Variants in ZRANB3 observed in about 807,000 individuals in gnomAD.
The protein encoded by ZRANB3 is DNA annealing helicase and endonuclease ZRANB3.
A neutral mutation model predicts 133.8 loss-of-function variants in ZRANB3; 125 were observed. That is an observed-to-expected ratio of 0.93 (90% confidence interval 0.81 to 1.08). ZRANB3 has a LOEUF of 1.08. Ranked by LOEUF, ZRANB3 falls within the 50% of genes least tolerant of loss-of-function variation. The pLI, the probability that ZRANB3 is intolerant of heterozygous loss-of-function variation, is 0.00. For synonymous variants in ZRANB3, 387 were observed against 432.7 expected, an observed-to-expected ratio of 0.89 and a Z score of 1.31; for missense variants, 1,229 against 1,275.5, an observed-to-expected ratio of 0.96 and a Z score of 0.56.
intron 2 of ZRANB3, among the ~76,000 whole-genome samples, chr2:135,440,165 C>T (rs1300666188): frequency 6.6e-6 from 1 of 152,140 alleles, no homozygotes; most frequent in Non-Finnish European, 1.5e-5. Context: ...TACTTTTAAT[C>T]TACATAATGT....
At chr2:135,311,626 T>TA (rs1471817704) in intron 8 of ZRANB3, among the ~76,000 whole-genome samples, 7 of 151,544 alleles carry the variant, frequency 4.6e-5, no homozygotes, top group African/African-American at 1.5e-4. Flanking sequence ...AGCTCACACC[T>TA]ATAACCCCAG....
chr2:135,511,160 G>GGGTTGAA, intron 1 of ZRANB3: 1 of 778,298 alleles, frequency 1.3e-6, no homozygotes, highest in East Asian at 2.4e-5. Context: ...CAGCTCCACT[G>GGGTTGAA]GGTTGAAGGT....
intron 2 of ZRANB3, among the ~76,000 whole-genome samples, chr2:135,443,042 G>T (rs1286386732): frequency 6.6e-6 from 1 of 151,732 alleles, no homozygotes; most frequent in Admixed American, 6.6e-5. Context: ...CGTGAATCTG[G>T]GAAGTTGAGC....
intron 3 of ZRANB3, among the ~76,000 whole-genome samples, chr2:135,381,185 G>A (rs368425103): frequency 1.3e-5 from 2 of 152,144 alleles, no homozygotes; most frequent in African/African-American, 2.4e-5. Flanking sequence ...CATAGCAAAC[G>A]GCACACCAGG....
chr2:135,488,483 A>C (rs1692222124), intron 2 of ZRANB3, among the ~76,000 whole-genome samples: 1 of 152,012 alleles, frequency 6.6e-6, no homozygotes, highest in Non-Finnish European at 1.5e-5. Flanking sequence ...CTATATAATC[A>C]AATATAGCAT....
rs138322620 is a variant in ZRANB3, at chr2:135,412,756, G to A, written c.162-21936C>T. Among the ~76,000 whole-genome samples the A allele has an allele frequency of 3.2e-3, 484 of 152,016 alleles. 2 individuals carry two copies. The highest frequency in any genetic ancestry group is 0.01 in the African/African-American group (427 of 41,464). On this transcript the variant is annotated intron_variant, in intron 2 of 20. Transcript: ENST00000264159. ...TAGTAAGATGCAGAGACTATTTCCTGTTTTGTTCTTCATTAGTGAAAGTTA... is the reference window on the plus strand; with the variant it reads ...TAGTAAGATGCAGAGACTATTTCCTATTTTGTTCTTCATTAGTGAAAGTTA...
intron 2 of ZRANB3, among the ~76,000 whole-genome samples, chr2:135,494,655 G>T (rs1194429206): frequency 6.6e-6 from 1 of 152,086 alleles, no homozygotes; most frequent in East Asian, 1.9e-4. Context: ...TTGGCCTTGG[G>T]GCTAAGAGGC....
chr2:135,350,828 G>A lies in ZRANB3; in HGVS notation c.360-613C>T, dbSNP rs191187181. On this transcript the variant is annotated intron_variant, in intron 4 of 20. Coordinates refer to ENST00000264159, the MANE Select transcript of ZRANB3 (RefSeq NM_032143.4). ...AATGTGAAGTGTGGTTAGAAGAAGC[G>A]GGTACCACCTCACATCAAGAACCAT... is the stretch of plus-strand genomic sequence containing the variant. Among the ~76,000 whole-genome samples, 120 of 152,258 alleles carry A rather than the reference G, an allele frequency of 7.9e-4. No homozygotes were observed. The South Asian group carries it at 0.014, about 18-fold the overall frequency.
At chr2:135,463,304 TTC>T (rs1690841819) in intron 2 of ZRANB3, among the ~76,000 whole-genome samples, 1 of 152,216 alleles carries the variant, frequency 6.6e-6, no homozygotes, top group Non-Finnish European at 1.5e-5. Context: ...ATTAATCCTC[TTC>T]TGTTTTATAT....
intron 2 of ZRANB3, among the ~76,000 whole-genome samples, chr2:135,451,587 A>C (rs926213240): frequency 6.6e-6 from 1 of 152,000 alleles, no homozygotes; most frequent in Non-Finnish European, 1.5e-5. Context: ...CAAAAAAAAA[A>C]CAAACCACTA....
At chr2:135,389,371 C>G (rs1687121419) in intron 3 of ZRANB3, among the ~76,000 whole-genome samples, 1 of 152,098 alleles carries the variant, frequency 6.6e-6, no homozygotes, top group Non-Finnish European at 1.5e-5. Flanking sequence ...TCATGTTATT[C>G]CTTAAATAAA....
intron 2 of ZRANB3, among the ~76,000 whole-genome samples, chr2:135,483,804 G>A (rs1238390120): frequency 2.0e-5 from 3 of 152,126 alleles, no homozygotes; most frequent in African/African-American, 7.2e-5. Context: ...AGATTCTGGT[G>A]TGTTGTGTCT....
At chr2:135,450,320 C>T (rs1314736307) in intron 2 of ZRANB3, among the ~76,000 whole-genome samples, 1 of 151,038 alleles carries the variant, frequency 6.6e-6, no homozygotes, top group African/African-American at 2.4e-5. Flanking sequence ...GAATAACTCG[C>T]TTATTGAGAG....
chr2:135,432,093 A>G (rs1314928806), intron 2 of ZRANB3, among the ~76,000 whole-genome samples: 1 of 152,060 alleles, frequency 6.6e-6, no homozygotes, highest in Non-Finnish European at 1.5e-5. Context: ...TCTGCTAAAA[A>G]TACAAAATTA....
intron 2 of ZRANB3, among the ~76,000 whole-genome samples, chr2:135,427,670 T>C (rs551476052): frequency 1.3e-5 from 2 of 152,278 alleles, no homozygotes; most frequent in African/African-American, 4.8e-5. Flanking sequence ...AAACTGCCAA[T>C]GACATTCTTC....
intron 1 of ZRANB3, among the ~76,000 whole-genome samples, chr2:135,525,723 C>T (rs1694127565): frequency 6.6e-6 from 1 of 151,854 alleles, no homozygotes; most frequent in African/African-American, 2.4e-5. Context: ...TGGTGCGTGC[C>T]TGTAATCCCA....
intron 17 of ZRANB3, among the ~76,000 whole-genome samples, chr2:135,217,092 C>T (rs1172301266): frequency 6.6e-6 from 1 of 152,220 alleles, no homozygotes; most frequent in African/African-American, 2.4e-5. Flanking sequence ...TACTCACGCA[C>T]AGCAGGGCAA....
intron 20 of ZRANB3, 48 bp from the exon 21 acceptor site, chr2:135,200,488 G>T: frequency 1.4e-6 from 2 of 1,436,676 alleles, no homozygotes; most frequent in Non-Finnish European, 1.9e-6. Context: ...AAAAAGCACC[G>T]GCTACAAAAG....
chr2:135,502,467 C>T (rs1363811816), intron 2 of ZRANB3, among the ~76,000 whole-genome samples: 4 of 152,140 alleles, frequency 2.6e-5, no homozygotes, highest in East Asian at 1.9e-4. Context: ...ATGAAGAACT[C>T]GGGCTTCTTT....
Sources: gnomAD v4.1 joint callset for allele counts (sites outside exome capture counted in the v4.1 genomes callset) on GRCh38, gnomAD v4.1.1 for gene constraint, MANE v1.5 for transcripts, NCBI Gene and HGNC (gene_info 2026-07-23, HGNC 2026-07-21) for gene names.